KMT2C: variants seen among roughly 807,000 people sequenced by gnomAD.
KMT2C encodes the protein histone-lysine N-methyltransferase 2C.
KMT2C carries 88 observed loss-of-function variants against 507.9 expected under a neutral mutation model. That is an observed-to-expected ratio of 0.17 (90% CI 0.15 to 0.21). The LOEUF (loss-of-function observed/expected upper bound fraction) is 0.21, where lower values mean the gene tolerates loss of function less well. Among genes scored for constraint, KMT2C ranks in the 10% least tolerant of loss-of-function variants. The probability of loss-of-function intolerance (pLI) is 1.00; values close to 1 mark genes in which losing one functional copy is unlikely to be tolerated. For synonymous variants in KMT2C, 2,049 were observed against 2,080.8 expected (o/e 0.98, Z 0.42); for missense variants, 4,954 against 5,957.8 (o/e 0.83, Z 5.55).
intron 48 of KMT2C, among the ~76,000 whole-genome samples, chr7:152,153,511 C>T (rs918671381): frequency 4.8e-4 from 73 of 152,172 alleles, no homozygotes; most frequent in Non-Finnish European, 2.9e-5. Context: ...AAAACTATTA[C>T]TGTTGATAAA....
Position 152,176,363 on chromosome 7 carries a change from C to T in KMT2C, c.9090G>A (p.Gln3030=), listed in dbSNP as rs2129112912. Residue 3030 remains glutamine (Q), a synonymous_variant, in exon 38 of 59, where the codon CAG becomes CAA. Transcript: ENST00000262189. ...GTGCTAATGTTTGAGGAATCATTAG[C>T]TGTTGGGGTCCAGACATGCTACTGG... is the stretch of plus-strand genomic sequence containing the variant. ...SGTSSMSGPQ[Q]LMIPQTLAQQ... 6.2e-7 allele frequency: 1 copy of T among 1,614,132 alleles called. No individual in the cohort carries two copies. Among genetic ancestry groups the T allele is most frequent in the Non-Finnish European group, 8.5e-7 (1 of 1,180,028 alleles).
chr7:152,289,907 C>G (rs1316924861), intron 6 of KMT2C, among the ~76,000 whole-genome samples: 2 of 151,884 alleles, frequency 1.3e-5, no homozygotes, highest in Non-Finnish European at 2.9e-5. Context: ...ATTAGCTGGG[C>G]CTGGCGGTGC....
intron 18 of KMT2C, among the ~76,000 whole-genome samples, chr7:152,228,766 G>A (rs2095015627): frequency 6.6e-6 from 1 of 152,082 alleles, no homozygotes; most frequent in Non-Finnish European, 1.5e-5. Context: ...CTTTTATACA[G>A]AATATAAAGT....
chr7:152,296,250 G>A (rs1005964993), intron 6 of KMT2C, among the ~76,000 whole-genome samples: 3 of 151,060 alleles, frequency 2.0e-5, no homozygotes, highest in Admixed American at 6.6e-5. Context: ...GCAACATGGC[G>A]AAACCCCATC....
chr7:152,277,562 CTT>C (rs2129179792), intron 6 of KMT2C, among the ~76,000 whole-genome samples: 1 of 152,100 alleles, frequency 6.6e-6, no homozygotes, highest in East Asian at 1.9e-4. Flanking sequence ...TTTCTATATC[CTT>C]ACAAAAATAC....
At chr7:152,248,994 C>T (rs2095519550) in intron 13 of KMT2C, among the ~76,000 whole-genome samples, 1 of 151,874 alleles carries the variant, frequency 6.6e-6, no homozygotes, top group Admixed American at 6.6e-5. Context: ...TAGTAGATAC[C>T]CAGATGTAAC....
At chr7:152,377,572 TAAAAATAC>T (rs1198375337) in intron 1 of KMT2C, among the ~76,000 whole-genome samples, 3 of 151,902 alleles carry the variant, frequency 2.0e-5, no homozygotes, top group African/African-American at 7.3e-5. Context: ...CTATTTCTAC[TAAAAATAC>T]AAAAATAAGC....
intron 26 of KMT2C, among the ~76,000 whole-genome samples, chr7:152,200,136 T>C (rs992539415): frequency 6.6e-6 from 1 of 152,228 alleles, no homozygotes; most frequent in Non-Finnish European, 1.5e-5. Flanking sequence ...TGCTTTAGTC[T>C]ATATCCTATG....
intron 43 of KMT2C, among the ~76,000 whole-genome samples, chr7:152,160,807 T>C (rs2092410497): frequency 6.6e-6 from 1 of 151,900 alleles, no homozygotes; most frequent in Admixed American, 6.6e-5. Context: ...AATATAAACA[T>C]GCTCAAAATG....
chr7:152,167,287 A>G lies in KMT2C; in HGVS notation c.9609T>C (p.Gly3203=), dbSNP rs764273911. 1.6e-5 allele frequency: 26 copies of G among 1,613,926 alleles called. No individual in the cohort carries two copies. The highest frequency in any genetic ancestry group is 2.1e-5 in the Non-Finnish European group (25 of 1,180,022). ...GGGCCTTCTTAGATTTTCTGTGAGC[A>G]CCAATTTGTTCTTCAAGATACTTCT... ...MQQKYLEEQI[G]AHRKSKKALS... The change falls in exon 42 of 59, where the codon GGT becomes GGC. Residue 3203 remains glycine (G), a synonymous_variant. Transcript: ENST00000262189.
chr7:152,334,719 G>A (rs926352215), intron 2 of KMT2C, among the ~76,000 whole-genome samples: 5 of 152,078 alleles, frequency 3.3e-5, no homozygotes, highest in Admixed American at 1.3e-4. Flanking sequence ...CAACCCAGTC[G>A]CAATGCTGCC....
chr7:152,252,047 C>A lies in KMT2C; in HGVS notation c.1513G>T (p.Asp505Tyr). The A allele has an allele frequency of 6.2e-7, 1 of 1,611,358 alleles. No individual in the cohort carries two copies. Among genetic ancestry groups the A allele is most frequent in the Non-Finnish European group, 8.5e-7 (1 of 1,178,240 alleles). ...ATATACTCTTCTTTGAGCTGAGTAT[C>A]CAGTTCATGATCTGTTGGTTTGTCA... ...ECDKPTDHEL[D>Y]TQLKEEYICM... Residue 505 changes from aspartate (D) to tyrosine (Y), a missense_variant, in exon 11 of 59, where the codon GAT (aspartate) becomes TAT (tyrosine). Physicochemically the swap from Asp to Tyr is radical, Grantham distance 160. Around this residue, in one of 29 missense-constraint regions of KMT2C, gnomAD observed 376 missense variants for 352.4 expected, o/e 1.07. Coordinates refer to ENST00000262189, the MANE Select transcript of KMT2C (RefSeq NM_170606.3).
At position 152,177,884 on chromosome 7, in the gene KMT2C, A is replaced by C; in HGVS notation, c.7569T>G (p.Pro2523=). 1 of 1,613,712 alleles carries C rather than the reference A, an allele frequency of 6.2e-7. No homozygotes were observed. The highest frequency in any genetic ancestry group is 8.5e-7 in the Non-Finnish European group (1 of 1,179,942). ...QLRRSVSVDM[P]RPLNNSQMNN... The stretch of plus-strand genomic sequence containing the variant: ...TCATTTGTGAGTTATTTAAAGGCCT[A>C]GGCATATCTACAGATACTGATCTTC... The change falls in exon 38 of 59, where the codon CCT becomes CCG. Residue 2523 remains proline (P), a synonymous_variant. Transcript: ENST00000262189.
intron 1 of KMT2C, among the ~76,000 whole-genome samples, chr7:152,413,169 C>A (rs1323916321): frequency 1.3e-5 from 2 of 152,130 alleles, no homozygotes; most frequent in Admixed American, 6.6e-5. Context: ...GGCTGGAGTG[C>A]AGTGGTGCGA....
chr7:152,231,022 G>T (rs1373970732), intron 16 of KMT2C, among the ~76,000 whole-genome samples: 1 of 152,062 alleles, frequency 6.6e-6, no homozygotes. Context: ...TCACCATATT[G>T]GTCAGGCTGG....
chr7:152,217,081 TATA>T (rs1427028334), intron 23 of KMT2C, among the ~76,000 whole-genome samples: 7 of 152,352 alleles, frequency 4.6e-5, no homozygotes, highest in Middle Eastern at 3.4e-3. Flanking sequence ...CCCACTACTT[TATA>T]ATGTTTTCCC....
chr7:152,318,669 A>T (rs2129204663), intron 3 of KMT2C, among the ~76,000 whole-genome samples: 1 of 151,700 alleles, frequency 6.6e-6, no homozygotes. Flanking sequence ...AAATGTTGGA[A>T]GTATAAACAC....
At chr7:152,421,105 AAAG>A (rs2116732769) in intron 1 of KMT2C, among the ~76,000 whole-genome samples, 1 of 152,274 alleles carries the variant, frequency 6.6e-6, no homozygotes, top group South Asian at 2.1e-4. Flanking sequence ...ACACTTCTCA[AAAG>A]AAGACATATG....
rs774483142 is a variant in KMT2C, at chr7:152,235,798, T to C, written c.2769+19A>G. 8 of 1,409,976 alleles carry C rather than the reference T, an allele frequency of 5.7e-6. No individual in the cohort carries two copies. Among genetic ancestry groups the C allele is most frequent in the East Asian group, 2.3e-5 (1 of 43,670 alleles). The allele number at this position is 1,409,976 out of a possible 1,614,324, so 87.3% of individuals were successfully genotyped here. A position where few individuals can be genotyped will look rare whatever the true frequency, so the allele number is the denominator to read the frequency against. On this transcript the variant is annotated intron_variant, in intron 16 of 58. Coordinates refer to ENST00000262189, the MANE Select transcript of KMT2C (RefSeq NM_170606.3). ...ACTGACATTTAGATTAGAGAAAATATACATGAAGCAAGCCTCACCCCAGGT... is the reference window on the plus strand; with the variant it reads ...ACTGACATTTAGATTAGAGAAAATACACATGAAGCAAGCCTCACCCCAGGT...
Sources: allele counts gnomAD v4.1 joint callset (sites outside exome capture counted in the v4.1 genomes callset), GRCh38; gene constraint gnomAD v4.1.1; regional missense constraint gnomAD v4.1.1; transcripts MANE v1.5; gene names NCBI Gene and HGNC (gene_info 2026-07-23, HGNC 2026-07-21).